ADCY9: variants seen among roughly 807,000 people sequenced by gnomAD.
ADCY9 encodes adenylate cyclase 9.
ADCY9 carries 50 observed loss-of-function variants against 101.5 expected under a neutral mutation model. The observed-to-expected ratio is 0.49, with a 90% CI of 0.39 to 0.62. The LOEUF (loss-of-function observed/expected upper bound fraction) is 0.62. Among genes scored for constraint, ADCY9 ranks in the 20% least tolerant of loss-of-function variants. ADCY9 has a pLI of 0.00. For synonymous variants in ADCY9, 905 were observed against 769.3 expected, an observed-to-expected ratio of 1.18 and a Z score of -2.92; for missense variants, 1,662 against 1,800.4, an observed-to-expected ratio of 0.92 and a Z score of 1.39.
chr16:4,069,237 AT>A (rs1014271441), intron 2 of ADCY9, among the ~76,000 whole-genome samples: 13 of 150,504 alleles, frequency 8.6e-5, no homozygotes, highest in African/African-American at 2.2e-4. Context: ...GATTTTTCAA[AT>A]TTTTTTTCTT....
At chr16:3,975,842 A>C (rs554509099) in intron 9 of ADCY9, among the ~76,000 whole-genome samples, 211 of 152,344 alleles carry the variant, frequency 1.4e-3, no homozygotes, top group Non-Finnish European at 2.5e-3. Flanking sequence ...TAATGGGTTT[A>C]AGATATCACG....
intron 3 of ADCY9, among the ~76,000 whole-genome samples, chr16:3,994,704 C>T (rs1210705131): frequency 2.6e-5 from 4 of 152,172 alleles, no homozygotes; most frequent in Admixed American, 1.3e-4. Flanking sequence ...GTGATCCACC[C>T]GTCTTGGCCT....
intron 2 of ADCY9, among the ~76,000 whole-genome samples, chr16:4,086,627 T>C (rs182935672): frequency 1.3e-5 from 2 of 152,144 alleles, no homozygotes. Context: ...AATACTTCCA[T>C]AATTAGCTCA....
intron 2 of ADCY9, among the ~76,000 whole-genome samples, chr16:4,107,264 G>A (rs1187187910): frequency 6.6e-6 from 1 of 152,036 alleles, no homozygotes; most frequent in East Asian, 1.9e-4. Flanking sequence ...AAGAATGCAG[G>A]TCAAGGCTGG....
intron 10 of ADCY9, 64 bp from the exon 11 acceptor site, chr16:3,967,030 C>T (rs1410957903): frequency 6.6e-6 from 9 of 1,367,504 alleles, no homozygotes; most frequent in African/African-American, 1.5e-5. Flanking sequence ...TCAGAACAGC[C>T]CCGCTAGCTA....
chr16:4,098,438 T>C (rs977264230), intron 2 of ADCY9, among the ~76,000 whole-genome samples: 1 of 152,084 alleles, frequency 6.6e-6, no homozygotes, highest in Non-Finnish European at 1.5e-5. Flanking sequence ...TTCACCATGT[T>C]GGCCAGGTTG....
rs1035603824 is a variant in ADCY9, at chr16:3,954,021, G to A, written c.568-505C>T. Among the ~76,000 whole-genome samples, 4 of 152,222 alleles carry A rather than the reference G, an allele frequency of 2.6e-5. No homozygotes were observed. The East Asian group carries it at 7.7e-4, about 29-fold the overall frequency. On this transcript the variant is annotated intron_variant, in intron 5 of 5. Coordinates refer to the ADCY9 transcript ENST00000576936. ...CTGAATCCTAAAATGCCTACAAAGC[G>A]TGAAACTGACTCAGGATTTCACAGA... is the stretch of plus-strand genomic sequence containing the variant.
At chr16:3,993,069 G>C (rs975286762) in intron 4 of ADCY9, among the ~76,000 whole-genome samples, 1 of 151,918 alleles carries the variant, frequency 6.6e-6, no homozygotes, top group Non-Finnish European at 1.5e-5. Flanking sequence ...ACCCCCTCTT[G>C]TCTCTGCCCG....
At chr16:4,011,079 C>A (rs114938727) in intron 2 of ADCY9, among the ~76,000 whole-genome samples, 3 of 152,058 alleles carry the variant, frequency 2.0e-5, no homozygotes, top group Admixed American at 6.6e-5. Flanking sequence ...CAGATGGAGA[C>A]GGACGGATCA....
chr16:4,023,352 G>T (rs1275188617), intron 2 of ADCY9, among the ~76,000 whole-genome samples: 1 of 152,200 alleles, frequency 6.6e-6, no homozygotes, highest in African/African-American at 2.4e-5. Flanking sequence ...CTGCAATAGA[G>T]AATACCCAAC....
chr16:4,077,038 T>C (rs1201803404), intron 2 of ADCY9, among the ~76,000 whole-genome samples: 1 of 151,294 alleles, frequency 6.6e-6, no homozygotes, highest in Non-Finnish European at 1.5e-5. Context: ...GATCACGCCA[T>C]TGCATTCCAG....
In ADCY9 at chr16:3,965,585, G is replaced by A. The variant is rs187408885; in HGVS notation, c.*190C>T. 3.2e-6 allele frequency: 2 copies of A among 624,312 alleles called. No homozygotes were observed. Among genetic ancestry groups the A allele is most frequent in the South Asian group, 4.1e-5 (2 of 48,790 alleles). The allele number at this position is 624,312 out of a possible 1,614,324, so 38.7% of individuals were successfully genotyped here. On this transcript the variant is annotated 3_prime_UTR_variant, in exon 11 of 11. Transcript: ENST00000294016. The stretch of plus-strand genomic sequence containing the variant: ...GAGGCAGCGGGGTTTCCAGGGAAGG[G>A]AGCGAAAGGGAAGAATGGATGAAAA...
At chr16:4,024,222 C>T (rs2056498172) in intron 2 of ADCY9, among the ~76,000 whole-genome samples, 1 of 151,904 alleles carries the variant, frequency 6.6e-6, no homozygotes, top group Admixed American at 6.6e-5. Context: ...GGGGTTTCAC[C>T]ATGTTGGTCA....
intron 3 of ADCY9, among the ~76,000 whole-genome samples, chr16:4,004,565 A>C (rs1452327865): frequency 6.6e-6 from 1 of 152,220 alleles, no homozygotes; most frequent in Admixed American, 6.5e-5. Context: ...GCATCGCTCC[A>C]TGTGTTTAAT....
chr16:4,005,201 C>T (rs143692619), intron 3 of ADCY9, among the ~76,000 whole-genome samples: 2 of 152,260 alleles, frequency 1.3e-5, no homozygotes, highest in East Asian at 1.9e-4. Flanking sequence ...CCAAGCTTCC[C>T]GAATTTACTT....
Position 3,965,625 on chromosome 16 carries a change from CTG to C in ADCY9, c.*148_*149del. On this transcript the variant is annotated 3_prime_UTR_variant, in exon 11 of 11. Coordinates refer to ENST00000294016, the MANE Select transcript of ADCY9 (RefSeq NM_001116.4). ...ATGGATGAAAATGAACCCTGAATAA[CTG>C]TGATCCACACAGAAGTTAGGGCTGA... 2 of 697,432 alleles carry C rather than the reference CTG, an allele frequency of 2.9e-6. No homozygotes were observed. The highest frequency in any genetic ancestry group is 2.4e-6 in the Non-Finnish European group (1 of 422,882). 43.2% of individuals were successfully genotyped at this position (697,432 alleles called of 1,614,324 possible).
chr16:4,102,974 G>C lies in ADCY9; in HGVS notation c.1693+10776C>G, dbSNP rs188850602. Among the ~76,000 whole-genome samples the C allele has an allele frequency of 3.9e-5, 6 of 152,294 alleles. No homozygotes were observed. In the South Asian group the frequency reaches 1.2e-3, roughly 32 times the overall value. On this transcript the variant is annotated intron_variant, in intron 2 of 10. Transcript: ENST00000294016. ...TGACCTCAGGTGATCCACCCACCTC[G>C]GCCTCCCAAAGCGCTGGTATTACAG...
chr16:4,114,561 G>T lies in ADCY9; in HGVS notation c.882C>A (p.Ile294=). The T allele has an allele frequency of 6.2e-7, 1 of 1,614,066 alleles. No homozygotes were observed. The highest frequency in any genetic ancestry group is 2.2e-5 in the East Asian group (1 of 44,872). ...RGLLHGCIHA[I]GVHLFVMSQV... ...GGGACATGACGAACAGGTGGACCCC[G>T]ATGGCGTGGATGCAGCCGTGGAGCA... Residue 294 remains isoleucine, a synonymous_variant, in exon 2 of 11, where the codon ATC becomes ATA. Coordinates refer to ENST00000294016, the MANE Select transcript of ADCY9 (RefSeq NM_001116.4). The surrounding 1 kb of genome is among the most constrained non-coding windows in gnomAD (Gnocchi z 4.3).
rs1451283056 is a variant in ADCY9, at chr16:3,973,209, T to TA, written c.2870+1459dup. On this transcript the variant is annotated intron_variant, in intron 10 of 10. Coordinates refer to ENST00000294016, the MANE Select transcript of ADCY9 (RefSeq NM_001116.4). Reference sequence around the variant, plus strand: ...TACAGTTGCTAATGAATCTTTTTTTTATTTTATTTTATTTTTTGAGACAGA... The same window carrying TA: ...TACAGTTGCTAATGAATCTTTTTTTTAATTTTATTTTATTTTTTGAGACAGA... Among the ~76,000 whole-genome samples the TA allele has an allele frequency of 5.3e-5, 8 of 152,044 alleles. No homozygotes were observed. The East Asian group carries it at 1.5e-3, about 29-fold the overall frequency.
Sources: gnomAD v4.1 joint callset for allele counts (sites outside exome capture counted in the v4.1 genomes callset) on GRCh38, gnomAD v4.1.1 for gene constraint, Gnocchi (gnomAD v3.1) non-coding constraint, MANE v1.5 for transcripts, NCBI Gene and HGNC (gene_info 2026-07-23, HGNC 2026-07-21) for gene names.